The following LARGE1 variants were observed in gnomAD, a reference collection of about 807,000 sequenced individuals.
The protein encoded by LARGE1 is LARGE xylosyl- and glucuronyltransferase 1, also known as xylosyl- and glucuronyltransferase LARGE1.
Under a neutral mutation model 87.6 loss-of-function variants are expected in LARGE1, and 43 were observed. The ratio of observed to expected loss-of-function variants is 0.49; its 90% CI spans 0.38 to 0.63. The LOEUF (loss-of-function observed/expected upper bound fraction) is 0.63. Among genes scored for constraint, LARGE1 ranks in the 30% least tolerant of loss-of-function variants. The pLI is 0.00. For missense variants in LARGE1, 802 were observed against 1,000.2 expected (o/e 0.80, Z 2.67); for synonymous variants, 434 against 394.6 (o/e 1.10, Z -1.18).
chr22:33,907,249 CA>C (rs1392734799), intron 1 of LARGE1, among the ~76,000 whole-genome samples: 4 of 152,166 alleles, frequency 2.6e-5, no homozygotes, highest in African/African-American at 9.7e-5. Flanking sequence ...GCCTGGCTTA[CA>C]AGGGCAGTGC....
rs564693449 is a variant in LARGE1, at chr22:33,517,356, T to C, written c.787+47492A>G. ...AGGAAAGTTGTCCAATAAAAAGGGC[T>C]GAACTCGGTGGAGTAGAGCTACAAA... On this transcript the variant is annotated intron_variant, in intron 6 of 14. Coordinates refer to ENST00000397394, the MANE Select transcript of LARGE1 (RefSeq NM_133642.5). Among the ~76,000 whole-genome samples the C allele has an allele frequency of 1.5e-4, 23 of 152,290 alleles. No homozygotes were observed. The South Asian group carries it at 4.6e-3, about 30-fold the overall frequency.
chr22:33,257,447 AAAAACAAAAAC>A (rs1161897266), intron 11 of LARGE1, among the ~76,000 whole-genome samples: 8 of 151,678 alleles, frequency 5.3e-5, no homozygotes, highest in Admixed American at 1.3e-4. Flanking sequence ...AAACAAAAAC[AAAAACAAAAAC>A]AAAAAAACAA....
chr22:33,651,417 A>C (rs1477087649), intron 2 of LARGE1, among the ~76,000 whole-genome samples: 1 of 150,924 alleles, frequency 6.6e-6, no homozygotes, highest in Non-Finnish European at 1.5e-5. Context: ...AAAAGAAAAA[A>C]GATAATAATA....
chr22:33,473,858 C>G (rs1443914593), intron 6 of LARGE1, among the ~76,000 whole-genome samples: 1 of 152,174 alleles, frequency 6.6e-6, no homozygotes, highest in African/African-American at 2.4e-5. Flanking sequence ...CTCAGAGTTG[C>G]TAAAATTAAT....
chr22:33,848,302 G>A (rs2063489930), intron 1 of LARGE1, among the ~76,000 whole-genome samples: 1 of 152,204 alleles, frequency 6.6e-6, no homozygotes, highest in South Asian at 2.1e-4. Context: ...ACAGGCTTAC[G>A]TCTAAAGGAC....
At chr22:33,207,990 G>T (rs1807059988) in intron 11 of LARGE1, among the ~76,000 whole-genome samples, 1 of 152,168 alleles carries the variant, frequency 6.6e-6, no homozygotes, top group Non-Finnish European at 1.5e-5. Flanking sequence ...TCTTTAGACT[G>T]GAGAGGGTAT....
chr22:33,534,272 T>C (rs569207390), intron 6 of LARGE1, among the ~76,000 whole-genome samples: 125 of 152,060 alleles, frequency 8.2e-4, no homozygotes, highest in African/African-American at 2.7e-3. Flanking sequence ...GGCGTGGTGG[T>C]GGGCACCTGT....
chr22:33,474,034 A>C (rs1242719261), intron 6 of LARGE1, among the ~76,000 whole-genome samples: 1 of 152,232 alleles, frequency 6.6e-6, no homozygotes, highest in Non-Finnish European at 1.5e-5. Flanking sequence ...TCTGAAAAGG[A>C]ATCATGATAT....
chr22:33,321,395 C>G (rs1424091043), intron 10 of LARGE1, among the ~76,000 whole-genome samples: 1 of 152,158 alleles, frequency 6.6e-6, no homozygotes, highest in African/African-American at 2.4e-5. Flanking sequence ...TGGCTTTCCC[C>G]TTGAGGGCCT....
intron 2 of LARGE1, among the ~76,000 whole-genome samples, chr22:33,671,551 A>G (rs1382366101): frequency 2.0e-5 from 3 of 152,342 alleles, no homozygotes; most frequent in South Asian, 2.1e-4. Flanking sequence ...TATTATTACC[A>G]AAGCTTATGC....
At chr22:33,555,244 T>C (rs946026665) in intron 6 of LARGE1, among the ~76,000 whole-genome samples, 1 of 152,156 alleles carries the variant, frequency 6.6e-6, no homozygotes, top group Non-Finnish European at 1.5e-5. Flanking sequence ...CTTGAGCATC[T>C]GCAGATTTTG....
chr22:33,854,677 TA>T (rs3072344), intron 1 of LARGE1, among the ~76,000 whole-genome samples: 29 of 148,932 alleles, frequency 1.9e-4, no homozygotes, highest in Admixed American at 2.0e-4. Context: ...CCAGTTTATT[TA>T]AAAAAAAAAA....
chr22:33,197,599 TA>T (rs1317085422), intron 11 of LARGE1, among the ~76,000 whole-genome samples: 1 of 152,028 alleles, frequency 6.6e-6, no homozygotes, highest in Non-Finnish European at 1.5e-5. Flanking sequence ...ATAATAGCCC[TA>T]CTATAAATAC....
intron 6 of LARGE1, among the ~76,000 whole-genome samples, chr22:33,438,683 C>T (rs1408181005): frequency 6.6e-6 from 1 of 152,164 alleles, no homozygotes; most frequent in Non-Finnish European, 1.5e-5. Flanking sequence ...TTCTTCCACA[C>T]AGTGCATCTG....
chr22:33,368,344 GCCAACATGGCGAAA>G (rs1323588008), intron 9 of LARGE1, among the ~76,000 whole-genome samples: 1 of 151,994 alleles, frequency 6.6e-6, no homozygotes, highest in Non-Finnish European at 1.5e-5. Flanking sequence ...GACCAGCCTG[GCCAACATGGCGAAA>G]CCCCATCTCT....
chr22:33,124,395 A>AGGAAAGAAGGAAGGAAGGAAAGAAGG, the LARGE1 span, among the ~76,000 whole-genome samples: 1 of 148,038 alleles, frequency 6.8e-6, no homozygotes, highest in Non-Finnish European at 1.5e-5. Context: ...GGAGGAAGGA[A>AGGAAAGAAGGAAGGAAGGAAAGAAGG]AATGATGGCT....
rs573109843 is a variant in LARGE1 at position 33,383,322 on chromosome 22, G to A, written c.1005+870C>T. On this transcript the variant is annotated intron_variant, in intron 8 of 14. Transcript: ENST00000397394. ...TGCCTGTAATCCCAGCACTTTGGGA[G>A]GCTGAGGCAGGCGGATCATCTGAGG... 6.6e-5 allele frequency among the ~76,000 whole-genome samples: 10 copies of A among 152,286 alleles called. No homozygotes were observed. In the East Asian group the frequency reaches 1.5e-3, roughly 24 times the overall value.
At chr22:33,831,691 A>T (rs963618124) in intron 1 of LARGE1, among the ~76,000 whole-genome samples, 2 of 152,048 alleles carry the variant, frequency 1.3e-5, no homozygotes, top group Admixed American at 1.3e-4. Flanking sequence ...TAGACATACC[A>T]CTAGCAAACA....
chr22:33,256,927 C>T lies in LARGE1; in HGVS notation c.1730+47302G>A, dbSNP rs749789324. Among the ~76,000 whole-genome samples, 14 of 152,058 alleles carry T rather than the reference C, an allele frequency of 9.2e-5. No homozygotes were observed. The East Asian group carries it at 9.6e-4, about 10-fold the overall frequency. ...AGATCATTAAAAATGGAGGTGAGGCCGGCTGTGCTGGCTCAAGCCTATAAT... is the reference window on the plus strand; with the variant it reads ...AGATCATTAAAAATGGAGGTGAGGCTGGCTGTGCTGGCTCAAGCCTATAAT... On this transcript the variant is annotated intron_variant, in intron 11 of 11. Coordinates refer to the LARGE1 transcript ENST00000608642.
Sources: gnomAD v4.1 joint callset for allele counts (sites outside exome capture counted in the v4.1 genomes callset) on GRCh38, gnomAD v4.1.1 for gene constraint, MANE v1.5 for transcripts, NCBI Gene and HGNC (gene_info 2026-07-23, HGNC 2026-07-21) for gene names.